Variants in PRKCE observed in about 807,000 individuals in gnomAD.
PRKCE encodes the protein protein kinase C epsilon type.
Under a neutral mutation model 85.4 loss-of-function variants are expected in PRKCE, and 16 were observed. The ratio of observed to expected loss-of-function variants is 0.19; its 90% CI spans 0.13 to 0.28. PRKCE has a LOEUF of 0.28. PRKCE is among the 10% of genes least tolerant of loss of function. The pLI is 1.00. For missense variants in PRKCE, 573 were observed against 975.2 expected (o/e 0.59, Z 5.49); for synonymous variants, 388 against 371.5 (o/e 1.04, Z -0.51).
chr2:45,956,286 C>T (rs1700970996), intron 2 of PRKCE, among the ~76,000 whole-genome samples: 1 of 152,166 alleles, frequency 6.6e-6, no homozygotes. Context: ...TAGATATTTT[C>T]ATACAGGTTT....
intron 1 of PRKCE, among the ~76,000 whole-genome samples, chr2:45,706,990 C>T (rs1234830471): frequency 6.6e-6 from 1 of 152,098 alleles, no homozygotes; most frequent in Non-Finnish European, 1.5e-5. Context: ...GAAATTGAGT[C>T]GATTTTCCAC....
chr2:46,113,999 G>C (rs1470498014), intron 11 of PRKCE, among the ~76,000 whole-genome samples: 1 of 151,984 alleles, frequency 6.6e-6, no homozygotes, highest in Non-Finnish European at 1.5e-5. Context: ...TTATATTTTT[G>C]TTATCTGACT....
rs554793103 is a variant in PRKCE, at chr2:45,737,039, G to A, written c.348+84591G>A. On this transcript the variant is annotated intron_variant, in intron 1 of 14. Transcript: ENST00000306156. ...AGGAGATGGACGGTCGTCGGTCATC[G>A]TGCATCTCTCTGCCTGTGTGCTGTC... Among the ~76,000 whole-genome samples the A allele has an allele frequency of 2.0e-5, 3 of 152,248 alleles. No homozygotes were observed. The South Asian group carries it at 6.2e-4, about 32-fold the overall frequency.
intron 1 of PRKCE, among the ~76,000 whole-genome samples, chr2:45,732,406 T>C (rs1382743145): frequency 6.6e-6 from 1 of 152,202 alleles, no homozygotes; most frequent in Non-Finnish European, 1.5e-5. Context: ...AGAGTACCTA[T>C]CATATAACCA....
chr2:45,691,642 G>C (rs926273508), intron 1 of PRKCE, among the ~76,000 whole-genome samples: 4 of 152,174 alleles, frequency 2.6e-5, no homozygotes, highest in Non-Finnish European at 5.9e-5. Context: ...TCCACTTCGT[G>C]TGTGAAGAGA....
In PRKCE at chr2:45,895,509, G is replaced by C. The variant is rs1190988615; in HGVS notation, c.412+52446G>C. On this transcript the variant is annotated intron_variant, in intron 2 of 14. Transcript: ENST00000306156. This position sits in a 1 kb window ranked among gnomAD's most constrained non-coding sequence, Gnocchi z 4.8. ...TGGCAGCCATGTGGTGATTTAAAAA[G>C]GAATTAACTGTTAGGACACCAGGAA... Among the ~76,000 whole-genome samples, 1 of 152,132 alleles carries C rather than the reference G, an allele frequency of 6.6e-6. No homozygotes were observed. The highest frequency in any genetic ancestry group is 6.5e-5 in the Admixed American group (1 of 15,270).
At chr2:46,129,035 A>G (rs1363249337) in intron 11 of PRKCE, among the ~76,000 whole-genome samples, 1 of 152,130 alleles carries the variant, frequency 6.6e-6, no homozygotes, top group Non-Finnish European at 1.5e-5. Context: ...TGAGTTTCAA[A>G]TCTTAGTTTC....
intron 2 of PRKCE, among the ~76,000 whole-genome samples, chr2:45,845,051 C>T (rs1368882777): frequency 3.3e-5 from 5 of 149,880 alleles, no homozygotes; most frequent in Admixed American, 2.0e-4. Flanking sequence ...GAAAAGAAGA[C>T]ATTTTTCTAC....
rs974065518 is a variant in PRKCE, at chr2:45,907,740, G to A, written c.412+64677G>A. 3.3e-5 allele frequency among the ~76,000 whole-genome samples: 5 copies of A among 152,200 alleles called. No homozygotes were observed. Among genetic ancestry groups the A allele is most frequent in the African/African-American group, 1.2e-4 (5 of 41,446 alleles). ...CCACTGCGCAGCTGTAGTACCTGAG[G>A]GCGTGACTGAGCCAATGGCCACCTC... On this transcript the variant is annotated intron_variant, in intron 2 of 14. Coordinates refer to ENST00000306156, the MANE Select transcript of PRKCE (RefSeq NM_005400.3). This position sits in a 1 kb window ranked among gnomAD's most constrained non-coding sequence, Gnocchi z 4.5.
intron 2 of PRKCE, among the ~76,000 whole-genome samples, chr2:45,938,519 C>T (rs1289838070): frequency 6.6e-6 from 1 of 152,080 alleles, no homozygotes; most frequent in Non-Finnish European, 1.5e-5. Flanking sequence ...CTGTTGTGTC[C>T]CTTTCAACAT....
At chr2:45,818,466 A>G (rs777149758) in intron 1 of PRKCE, among the ~76,000 whole-genome samples, 2 of 152,192 alleles carry the variant, frequency 1.3e-5, no homozygotes, top group Non-Finnish European at 2.9e-5. Context: ...TCATCCTAAC[A>G]GATGTTTGCT....
chr2:45,848,643 T>C (rs766989636), intron 2 of PRKCE, among the ~76,000 whole-genome samples: 2 of 152,192 alleles, frequency 1.3e-5, no homozygotes, highest in Non-Finnish European at 2.9e-5. Context: ...TGCCCAGCTT[T>C]GTGTCTGTGC....
At chr2:45,887,870 C>A (rs1390434601) in intron 2 of PRKCE, among the ~76,000 whole-genome samples, 1 of 152,226 alleles carries the variant, frequency 6.6e-6, no homozygotes, top group Non-Finnish European at 1.5e-5. Flanking sequence ...CACAAAAGCA[C>A]ATCTAACTGG....
At chr2:45,778,730 C>G (rs1341984734) in intron 1 of PRKCE, among the ~76,000 whole-genome samples, 1 of 152,164 alleles carries the variant, frequency 6.6e-6, no homozygotes, top group Admixed American at 6.5e-5. Context: ...GATGTATGTT[C>G]CCGGCTGATG....
At chr2:45,744,937 T>C (rs1683020850) in intron 1 of PRKCE, among the ~76,000 whole-genome samples, 2 of 152,216 alleles carry the variant, frequency 1.3e-5, no homozygotes, top group South Asian at 4.1e-4. Flanking sequence ...TCCTGGCGAT[T>C]CTGATTTGTG....
intron 1 of PRKCE, among the ~76,000 whole-genome samples, chr2:45,727,647 G>GTTTTA (rs1198690097): frequency 9.2e-5 from 14 of 152,144 alleles, no homozygotes; most frequent in African/African-American, 1.7e-4. Flanking sequence ...TGGGGCATGT[G>GTTTTA]TTTTATTTTA....
rs373271829 is a variant in PRKCE, at chr2:45,836,023, A to G, written c.349-6977A>G. On this transcript the variant is annotated intron_variant, in intron 1 of 14. Transcript: ENST00000306156. ...GCTGTTAGGAATGAAGCTGCTGTGAACATTTCTGTATAGTAGATGGCTTCC... is the reference window on the plus strand; with the variant it reads ...GCTGTTAGGAATGAAGCTGCTGTGAGCATTTCTGTATAGTAGATGGCTTCC... Among the ~76,000 whole-genome samples, 30 of 152,340 alleles carry G rather than the reference A, an allele frequency of 2.0e-4. No individual in the cohort carries two copies. The East Asian group carries it at 3.1e-3, about 16-fold the overall frequency.
At chr2:46,028,317 C>G (rs1422987992) in intron 10 of PRKCE, among the ~76,000 whole-genome samples, 1 of 152,230 alleles carries the variant, frequency 6.6e-6, no homozygotes, top group Non-Finnish European at 1.5e-5. Flanking sequence ...GGGGGGTAAA[C>G]TTTCTTCACT....
At chr2:45,932,982 C>G (rs1699153349) in intron 2 of PRKCE, among the ~76,000 whole-genome samples, 1 of 152,186 alleles carries the variant, frequency 6.6e-6, no homozygotes, top group Non-Finnish European at 1.5e-5. Context: ...GAATAGTATT[C>G]CATTATATCT....
Sources: gnomAD v4.1 joint callset for allele counts (sites outside exome capture counted in the v4.1 genomes callset) on GRCh38, gnomAD v4.1.1 for gene constraint, Gnocchi (gnomAD v3.1) non-coding constraint, MANE v1.5 for transcripts, NCBI Gene and HGNC (gene_info 2026-07-23, HGNC 2026-07-21) for gene names.